Variants in SLC2A13 observed in about 807,000 individuals in gnomAD.
SLC2A13 encodes the protein solute carrier family 2 member 13.
In SLC2A13, 32 loss-of-function variants were observed where a neutral mutation model predicts 64.4. The ratio of observed to expected loss-of-function variants is 0.50; its 90% confidence interval spans 0.37 to 0.67. The LOEUF is 0.67. SLC2A13 is among the 30% of genes least tolerant of loss of function. The probability of loss-of-function intolerance (pLI) is 0.00; values close to 1 mark genes in which losing one functional copy is unlikely to be tolerated. For missense variants in SLC2A13, 743 were observed against 829.2 expected, an observed-to-expected ratio of 0.90 and a Z score of 1.28; for synonymous variants, 338 against 327.1, an observed-to-expected ratio of 1.03 and a Z score of -0.36.
intron 1 of SLC2A13, among the ~76,000 whole-genome samples, chr12:40,059,267 T>C (rs1298544212): frequency 6.6e-6 from 1 of 152,224 alleles, no homozygotes; most frequent in Non-Finnish European, 1.5e-5. Flanking sequence ...CACATTTCAA[T>C]ACATTTCATT....
intron 6 of SLC2A13, among the ~76,000 whole-genome samples, chr12:39,864,400 T>C (rs966505762): frequency 2.0e-5 from 3 of 152,226 alleles, no homozygotes; most frequent in African/African-American, 4.8e-5. Context: ...GTTTGATTAC[T>C]GATTAAAGTT....
chr12:40,032,560 G>A (rs561745738), intron 2 of SLC2A13, among the ~76,000 whole-genome samples: 1 of 152,274 alleles, frequency 6.6e-6, no homozygotes, highest in African/African-American at 2.4e-5. Flanking sequence ...TTTCACCTCA[G>A]GTTAAGCCTT....
intron 1 of SLC2A13, among the ~76,000 whole-genome samples, chr12:40,104,021 G>A (rs1939223308): frequency 6.6e-6 from 1 of 152,136 alleles, no homozygotes. Flanking sequence ...CATGGTTCCC[G>A]CATGTGGAGT....
rs551696801 is a variant in SLC2A13 at position 39,945,889 on chromosome 12, G to A, written c.1034+5368C>T. Among the ~76,000 whole-genome samples, 129 of 150,190 alleles carry A rather than the reference G, an allele frequency of 8.6e-4. 2 individuals are homozygous for A. In the South Asian group the frequency reaches 0.011, roughly 13 times the overall value. On this transcript the variant is annotated intron_variant, in intron 4 of 9. Coordinates refer to ENST00000280871, the MANE Select transcript of SLC2A13 (RefSeq NM_052885.4). ...TTCTTCTTGGTTTGCATCCACTGCT[G>A]GTGAATTAGCGTGATTTTTTGTGGG...
intron 4 of SLC2A13, among the ~76,000 whole-genome samples, chr12:39,892,945 TAA>T (rs1460453636): frequency 3.3e-5 from 5 of 152,224 alleles, no homozygotes; most frequent in Admixed American, 3.3e-4. Flanking sequence ...ATGTTTATAT[TAA>T]TTTATCAAAC....
chr12:40,089,068 A>G (rs1938679734), intron 1 of SLC2A13, among the ~76,000 whole-genome samples: 1 of 152,166 alleles, frequency 6.6e-6, no homozygotes, highest in South Asian at 2.1e-4. Flanking sequence ...AGAACACTAA[A>G]TAATTGGTTT....
chr12:40,069,660 G>C (rs955450398), intron 1 of SLC2A13, among the ~76,000 whole-genome samples: 1 of 151,692 alleles, frequency 6.6e-6, no homozygotes, highest in Non-Finnish European at 1.5e-5. Context: ...GGACAGAAGG[G>C]TGCCTAGTTT....
chr12:39,988,479 G>C (rs1947067554), intron 3 of SLC2A13, among the ~76,000 whole-genome samples: 1 of 149,188 alleles, frequency 6.7e-6, no homozygotes, highest in South Asian at 2.1e-4. Context: ...TTTAAAAAAA[G>C]AGGAAGGAAG....
At chr12:39,805,225 G>C (rs1390755152) in intron 7 of SLC2A13, among the ~76,000 whole-genome samples, 1 of 152,206 alleles carries the variant, frequency 6.6e-6, no homozygotes, top group Admixed American at 6.5e-5. Flanking sequence ...TAAATGATGT[G>C]AGAAGCCACG....
chr12:39,815,330 TTG>T (rs1942309931), intron 7 of SLC2A13, among the ~76,000 whole-genome samples: 1 of 152,200 alleles, frequency 6.6e-6, no homozygotes, highest in Admixed American at 6.5e-5. Context: ...CTGGCCTTTA[TTG>T]TTAACTATTG....
intron 3 of SLC2A13, among the ~76,000 whole-genome samples, chr12:40,012,041 T>A (rs952892052): frequency 1.3e-5 from 2 of 152,314 alleles, no homozygotes; most frequent in South Asian, 4.1e-4. Context: ...CACATAAAGA[T>A]CTGCTGCATC....
chr12:39,761,595 T>C (rs1239465888), intron 9 of SLC2A13, among the ~76,000 whole-genome samples: 1 of 147,236 alleles, frequency 6.8e-6, no homozygotes, highest in African/African-American at 2.5e-5. Context: ...AGGGTGATAC[T>C]GATAAGCTAG....
intron 7 of SLC2A13, among the ~76,000 whole-genome samples, chr12:39,791,160 T>A (rs1212463558): frequency 3.3e-5 from 5 of 151,996 alleles, no homozygotes; most frequent in African/African-American, 4.8e-5. Flanking sequence ...TTTTCTCCCA[T>A]CAAAATTCAA....
intron 7 of SLC2A13, among the ~76,000 whole-genome samples, chr12:39,785,724 G>T (rs1261085182): frequency 6.6e-6 from 1 of 152,126 alleles, no homozygotes; most frequent in Non-Finnish European, 1.5e-5. Context: ...CAAAGACACA[G>T]GGGCGGAGCT....
At chr12:39,913,704 G>C (rs528273538) in intron 4 of SLC2A13, among the ~76,000 whole-genome samples, 2 of 151,940 alleles carry the variant, frequency 1.3e-5, no homozygotes, top group South Asian at 4.1e-4. Flanking sequence ...TATAATACTA[G>C]TAAGTATACA....
At chr12:39,997,555 G>A (rs1026010068) in intron 3 of SLC2A13, among the ~76,000 whole-genome samples, 1 of 152,178 alleles carries the variant, frequency 6.6e-6, no homozygotes. Flanking sequence ...ATCAGGCCAG[G>A]CATAATGGCT....
At chr12:39,774,518 T>C (rs1456533597) in intron 7 of SLC2A13, among the ~76,000 whole-genome samples, 1 of 152,106 alleles carries the variant, frequency 6.6e-6, no homozygotes, top group Non-Finnish European at 1.5e-5. Flanking sequence ...AAAGTATGGT[T>C]TCCTAGCTTG....
intron 7 of SLC2A13, among the ~76,000 whole-genome samples, chr12:39,779,724 T>G (rs1206647878): frequency 6.6e-6 from 1 of 152,240 alleles, no homozygotes; most frequent in African/African-American, 2.4e-5. Context: ...AAAACGTGAC[T>G]GTCTGTGATG....
At position 39,839,989 on chromosome 12, in the gene SLC2A13, T is replaced by C. The variant is rs142866326; in HGVS notation, c.1320-9761A>G. 3.7e-3 allele frequency among the ~76,000 whole-genome samples: 557 copies of C among 152,198 alleles called. 2 individuals are homozygous for C. The highest frequency in any genetic ancestry group is 5.7e-3 in the Non-Finnish European group (386 of 67,992). ...ATAGCTACCAGTTCTATCAATTCTA[T>C]GTCTCAAGCATGTATAGTTCCTGTA... On this transcript the variant is annotated intron_variant, in intron 6 of 9. Coordinates refer to ENST00000280871, the MANE Select transcript of SLC2A13 (RefSeq NM_052885.4).
Sources: allele counts gnomAD v4.1 joint callset (sites outside exome capture counted in the v4.1 genomes callset), GRCh38; gene constraint gnomAD v4.1.1; transcripts MANE v1.5; gene names NCBI Gene and HGNC (gene_info 2026-07-23, HGNC 2026-07-21).